SMOC2: variants seen among roughly 807,000 people sequenced by gnomAD.
SMOC2 encodes SPARC-related modular calcium-binding protein 2.
A neutral mutation model predicts 61.4 loss-of-function variants in SMOC2; 39 were observed. The observed-to-expected ratio is 0.64, with a 90% CI of 0.49 to 0.83. The LOEUF (loss-of-function observed/expected upper bound fraction) is 0.83, where lower values mean the gene tolerates loss of function less well. Among genes scored for constraint, SMOC2 ranks in the 40% least tolerant of loss-of-function variants. SMOC2 has a pLI of 0.00. For synonymous variants in SMOC2, 247 were observed against 239.9 expected, an observed-to-expected ratio of 1.03 and a Z score of -0.27; for missense variants, 556 against 592.9, an observed-to-expected ratio of 0.94 and a Z score of 0.65.
Position 168,608,197 on chromosome 6 carries a change from C to G in SMOC2, c.865C>G (p.Pro289Ala). The G allele has an allele frequency of 6.2e-7, 1 of 1,613,846 alleles. No homozygotes were observed. The highest frequency in any genetic ancestry group is 8.5e-7 in the Non-Finnish European group (1 of 1,179,940). The part of the protein sequence containing the change: ...PKCDNTARAH[P>A]AKARDLYKGR... ...ATGTGACAACACGGCCAGGGCCCACCCAGCCAAAGCCCGGGACCTGTACAA... is the reference window on the plus strand; with the variant it reads ...ATGTGACAACACGGCCAGGGCCCACGCAGCCAAAGCCCGGGACCTGTACAA... The change falls in exon 9 of 13, where the codon CCA becomes GCA. Residue 289 changes from proline to alanine, a missense_variant. By Grantham distance (27) the Pro-to-Ala change is conservative. Transcript: ENST00000356284.
chr6:168,453,720 A>G lies in SMOC2; in HGVS notation c.84+12266A>G, dbSNP rs373336331. On this transcript the variant is annotated intron_variant, in intron 1 of 12. Transcript: ENST00000356284. This position sits in a 1 kb window ranked among gnomAD's most constrained non-coding sequence, Gnocchi z 4.4. ...TGTCTATTGATCTCTGCCATTCTAC[A>G]TACTACATCTCTGTCTATCTCTGTC... Among the ~76,000 whole-genome samples the G allele has an allele frequency of 1.0e-4, 15 of 150,226 alleles. No individual in the cohort carries two copies. Among genetic ancestry groups the G allele is most frequent in the African/African-American group, 3.7e-4 (15 of 40,736 alleles).
chr6:168,614,529 C>T (rs1583161668), intron 9 of SMOC2, among the ~76,000 whole-genome samples: 3 of 81,118 alleles, frequency 3.7e-5, no homozygotes, highest in South Asian at 5.1e-4. Context: ...CTCTTCACAC[C>T]TACAGCCAGC....
intron 2 of SMOC2, among the ~76,000 whole-genome samples, chr6:168,515,001 A>G (rs1211576606): frequency 6.6e-6 from 1 of 152,232 alleles, no homozygotes; most frequent in Non-Finnish European, 1.5e-5. Context: ...GCAGGGTCAC[A>G]GTGACATTCT....
intron 7 of SMOC2, among the ~76,000 whole-genome samples, chr6:168,560,837 T>G (rs374760022): frequency 6.3e-5 from 1 of 15,820 alleles, no homozygotes; most frequent in Admixed American, 5.7e-4. Context: ...ACTGCATTCT[T>G]GGAGGAGGTG....
chr6:168,644,622 T>C (rs183098519), intron 9 of SMOC2, among the ~76,000 whole-genome samples: 3 of 151,758 alleles, frequency 2.0e-5, no homozygotes, highest in Admixed American at 1.3e-4. Flanking sequence ...CAATCAAATG[T>C]TGGGTCAATG....
intron 10 of SMOC2, 51 bp downstream of exon 10, chr6:168,650,834 G>A: frequency 3.3e-6 from 5 of 1,521,294 alleles, no homozygotes; most frequent in Non-Finnish European, 4.5e-6. Flanking sequence ...CCAGAATTCT[G>A]GGGAATCTGG....
At chr6:168,555,866 G>C (rs957602461) in intron 7 of SMOC2, among the ~76,000 whole-genome samples, 3 of 152,138 alleles carry the variant, frequency 2.0e-5, no homozygotes, top group Non-Finnish European at 4.4e-5. Context: ...TCTCCTGCGC[G>C]GTCCTCCTAA....
chr6:168,493,381 A>G (rs1489063896), intron 1 of SMOC2, among the ~76,000 whole-genome samples: 3 of 152,226 alleles, frequency 2.0e-5, no homozygotes, highest in Non-Finnish European at 2.9e-5. Flanking sequence ...ATTTATCTGC[A>G]TAAGTATGGA....
intron 1 of SMOC2, among the ~76,000 whole-genome samples, chr6:168,500,961 C>T (rs1250467790): frequency 6.6e-6 from 1 of 152,172 alleles, no homozygotes; most frequent in African/African-American, 2.4e-5. Context: ...TGACAAGACT[C>T]TCCGACAGAG....
intron 9 of SMOC2, among the ~76,000 whole-genome samples, chr6:168,614,290 G>GA (rs1372560445): frequency 1.4e-5 from 1 of 69,738 alleles, no homozygotes; most frequent in Non-Finnish European, 2.8e-5. Flanking sequence ...GCCAGCACAG[G>GA]GCCTCTTCAC....
Position 168,500,252 on chromosome 6 carries a change from A to G in SMOC2, c.85-9663A>G, listed in dbSNP as rs997009850. Among the ~76,000 whole-genome samples, 60 of 145,354 alleles carry G rather than the reference A, an allele frequency of 4.1e-4. 1 individual carries two copies. Among genetic ancestry groups the G allele is most frequent in the Non-Finnish European group, 1.2e-4 (8 of 67,080 alleles). On this transcript the variant is annotated intron_variant, in intron 1 of 12. Coordinates refer to ENST00000356284, the MANE Select transcript of SMOC2 (RefSeq NM_001166412.2). Reference sequence around the variant, plus strand: ...CAGCGAGCCCAGATCGCCCCACTGCACTCCAGCCCGGATGACAGAGTGAAA... The same window carrying G: ...CAGCGAGCCCAGATCGCCCCACTGCGCTCCAGCCCGGATGACAGAGTGAAA...
intron 9 of SMOC2, among the ~76,000 whole-genome samples, chr6:168,629,870 G>A (rs1786521523): frequency 6.6e-6 from 1 of 152,178 alleles, no homozygotes; most frequent in Admixed American, 6.5e-5. Flanking sequence ...TTATGAAGCT[G>A]ACTTGGTAAA....
At chr6:168,477,169 G>GA (rs1283976802) in intron 1 of SMOC2, among the ~76,000 whole-genome samples, 1 of 152,206 alleles carries the variant, frequency 6.6e-6, no homozygotes, top group East Asian at 1.9e-4. Context: ...CTCAGATCCT[G>GA]AAAGAACAGC....
chr6:168,486,904 A>G (rs569116376), intron 1 of SMOC2, among the ~76,000 whole-genome samples: 7 of 152,246 alleles, frequency 4.6e-5, no homozygotes, highest in South Asian at 2.1e-4. Context: ...TCATAAACCA[A>G]CGCATTAGTT....
At chr6:168,473,823 C>T (rs942599358) in intron 1 of SMOC2, among the ~76,000 whole-genome samples, 6 of 152,080 alleles carry the variant, frequency 3.9e-5, no homozygotes, top group African/African-American at 1.4e-4. Context: ...TTGTGTGTCT[C>T]AGTGGGTGTG....
At chr6:168,536,832 C>T (rs1783743613) in intron 4 of SMOC2, among the ~76,000 whole-genome samples, 1 of 152,206 alleles carries the variant, frequency 6.6e-6, no homozygotes, top group Admixed American at 6.5e-5. Flanking sequence ...CACGGTGAGG[C>T]TCAGGGATGG....
intron 1 of SMOC2, among the ~76,000 whole-genome samples, chr6:168,507,909 G>A (rs759699620): frequency 2.0e-5 from 3 of 152,210 alleles, no homozygotes; most frequent in Non-Finnish European, 2.9e-5. Flanking sequence ...TCTGGGTGCC[G>A]CTCACCTGTC....
chr6:168,469,693 A>G (rs930966171), intron 1 of SMOC2, among the ~76,000 whole-genome samples: 2 of 152,202 alleles, frequency 1.3e-5, no homozygotes, highest in Non-Finnish European at 2.9e-5. Flanking sequence ...CCACATGGCC[A>G]GCAGAGCTGG....
chr6:168,456,470 G>C (rs1168937083), intron 1 of SMOC2, among the ~76,000 whole-genome samples: 1 of 152,166 alleles, frequency 6.6e-6, no homozygotes, highest in Admixed American at 6.5e-5. Context: ...TTCACACCAG[G>C]TACCTTCGGT....
Sources: gnomAD v4.1 joint callset for allele counts (sites outside exome capture counted in the v4.1 genomes callset) on GRCh38, gnomAD v4.1.1 for gene constraint, Gnocchi (gnomAD v3.1) non-coding constraint, MANE v1.5 for transcripts, NCBI Gene and HGNC (gene_info 2026-07-23, HGNC 2026-07-21) for gene names.